PDZRN4: variants seen among roughly 807,000 people sequenced by gnomAD.
PDZRN4 encodes the protein PDZ domain containing ring finger 4.
In PDZRN4, 70 loss-of-function variants were observed where a neutral mutation model predicts 99.0. The observed-to-expected ratio is 0.71, with a 90% CI of 0.58 to 0.86. The LOEUF is 0.86. PDZRN4 is among the 40% of genes least tolerant of loss of function. The pLI is 0.00. For missense variants in PDZRN4, 1,474 were observed against 1,331.2 expected (o/e 1.11, Z -1.67); for synonymous variants, 551 against 501.6 (o/e 1.10, Z -1.32).
chr12:41,524,473 T>C (rs1938539177), intron 5 of PDZRN4, among the ~76,000 whole-genome samples: 1 of 152,186 alleles, frequency 6.6e-6, no homozygotes, highest in Non-Finnish European at 1.5e-5. Context: ...ATTCACATTG[T>C]GGTAGCCTGG....
intron 3 of PDZRN4, among the ~76,000 whole-genome samples, chr12:41,240,303 T>G (rs75279547): frequency 0.11 from 17,332 of 152,200 alleles, 1,274 homozygotes; most frequent in Non-Finnish European, 0.16. Context: ...AACGACATAA[T>G]GAGATTCAAT....
intron 3 of PDZRN4, among the ~76,000 whole-genome samples, chr12:41,312,486 C>A (rs563360940): frequency 6.6e-6 from 1 of 152,004 alleles, no homozygotes; most frequent in South Asian, 2.1e-4. Flanking sequence ...GTTCTCATGC[C>A]GCTAATAAAG....
At chr12:41,193,866 G>A (rs531957431) in intron 2 of PDZRN4, among the ~76,000 whole-genome samples, 1 of 152,212 alleles carries the variant, frequency 6.6e-6, no homozygotes, top group African/African-American at 2.4e-5. Context: ...GAAGTAAATA[G>A]ATAATCTTGT....
chr12:41,310,681 A>G (rs1951600610), intron 3 of PDZRN4, among the ~76,000 whole-genome samples: 2 of 152,208 alleles, frequency 1.3e-5, no homozygotes. Flanking sequence ...GATAAAAGGA[A>G]AGCTTTACAG....
At chr12:41,199,433 G>T (rs192290414) in intron 3 of PDZRN4, among the ~76,000 whole-genome samples, 2 of 152,252 alleles carry the variant, frequency 1.3e-5, no homozygotes, top group East Asian at 3.9e-4. Context: ...TGTAACTCCT[G>T]TGGAAAACAC....
intron 5 of PDZRN4, among the ~76,000 whole-genome samples, chr12:41,551,497 C>T (rs1020680625): frequency 1.3e-5 from 2 of 152,064 alleles, no homozygotes; most frequent in African/African-American, 4.8e-5. Flanking sequence ...GACTACCTAC[C>T]TATGGTTTTA....
intron 3 of PDZRN4, among the ~76,000 whole-genome samples, chr12:41,263,421 G>C (rs1951256252): frequency 6.6e-6 from 1 of 151,446 alleles, no homozygotes; most frequent in Non-Finnish European, 1.5e-5. Flanking sequence ...GCATGGTGTT[G>C]CATGCCTGTA....
At chr12:41,300,627 G>C (rs1010458296) in intron 3 of PDZRN4, among the ~76,000 whole-genome samples, 5 of 151,694 alleles carry the variant, frequency 3.3e-5, no homozygotes, top group Admixed American at 6.6e-5. Flanking sequence ...TTCGGCCTCA[G>C]GATATGTGTA....
chr12:41,408,785 C>CT (rs1952368731), intron 3 of PDZRN4, among the ~76,000 whole-genome samples: 1 of 148,114 alleles, frequency 6.8e-6, no homozygotes, highest in African/African-American at 2.5e-5. Context: ...TCTCTGTCTT[C>CT]TCTCTCTCTC....
At chr12:41,481,354 A>G (rs963149753) in intron 3 of PDZRN4, among the ~76,000 whole-genome samples, 1 of 151,984 alleles carries the variant, frequency 6.6e-6, no homozygotes, top group African/African-American at 2.4e-5. Flanking sequence ...ATATTACCAA[A>G]TTACTCTTTC....
intron 3 of PDZRN4, among the ~76,000 whole-genome samples, chr12:41,375,324 T>C (rs576891762): frequency 6.6e-6 from 1 of 152,200 alleles, no homozygotes; most frequent in African/African-American, 2.4e-5. Flanking sequence ...ATTCAACTTA[T>C]GACAAGGATG....
chr12:41,437,828 G>A (rs1478204286), intron 3 of PDZRN4: 1 of 1,590,364 alleles, frequency 6.3e-7, no homozygotes, highest in Non-Finnish European at 8.5e-7. Flanking sequence ...TGTGTTTCTG[G>A]ACTGAAGTGA....
chr12:41,415,758 T>C (rs1952439769), intron 3 of PDZRN4, among the ~76,000 whole-genome samples: 1 of 151,706 alleles, frequency 6.6e-6, no homozygotes, highest in Admixed American at 6.6e-5. Context: ...TGAGTTACAG[T>C]ATGTCTTTCA....
intron 5 of PDZRN4, among the ~76,000 whole-genome samples, chr12:41,521,945 C>G (rs1000169237): frequency 1.3e-5 from 2 of 151,982 alleles, no homozygotes; most frequent in Non-Finnish European, 2.9e-5. Context: ...CCTAAATAGC[C>G]GTTGGAAGGG....
intron 3 of PDZRN4, among the ~76,000 whole-genome samples, chr12:41,321,323 G>A (rs1392906981): frequency 6.6e-6 from 1 of 152,034 alleles, no homozygotes; most frequent in Non-Finnish European, 1.5e-5. Context: ...AAGATTTAGT[G>A]GTATATTCTC....
chr12:41,359,406 A>T (rs1592027060), intron 3 of PDZRN4, among the ~76,000 whole-genome samples: 1 of 152,012 alleles, frequency 6.6e-6, no homozygotes, highest in East Asian at 1.9e-4. Flanking sequence ...GGCAATCTTC[A>T]TTTGGAGTTA....
chr12:41,492,780 A>T (rs200379605), intron 3 of PDZRN4, among the ~76,000 whole-genome samples: 1 of 152,258 alleles, frequency 6.6e-6, no homozygotes, highest in East Asian at 1.9e-4. Flanking sequence ...TCACTCAGGG[A>T]TAGCTATTTG....
At chr12:41,495,768 A>G (rs548690938) in intron 3 of PDZRN4, among the ~76,000 whole-genome samples, 1 of 152,184 alleles carries the variant, frequency 6.6e-6, no homozygotes, top group South Asian at 2.1e-4. Context: ...CCTCTTCTCC[A>G]AGACTCAGTC....
Position 41,328,119 on chromosome 12 carries a change from AG to A in PDZRN4, c.843+133932del, listed in dbSNP as rs141056093. 6.0e-3 allele frequency among the ~76,000 whole-genome samples: 916 copies of A among 152,268 alleles called. 8 individuals carry two copies. The highest frequency in any genetic ancestry group is 0.021 in the African/African-American group (879 of 41,554). Reference sequence around the variant, plus strand: ...CCAACTATTAACTATGCACTATAAAAGAACAGTGAAAGATAAAGCTGAAAAC... The same window carrying A: ...CCAACTATTAACTATGCACTATAAAAAACAGTGAAAGATAAAGCTGAAAAC... On this transcript the variant is annotated intron_variant, in intron 3 of 9. Coordinates refer to ENST00000402685, the MANE Select transcript of PDZRN4 (RefSeq NM_001164595.2).
Sources: allele counts gnomAD v4.1 joint callset (sites outside exome capture counted in the v4.1 genomes callset), GRCh38; gene constraint gnomAD v4.1.1; transcripts MANE v1.5; gene names NCBI Gene and HGNC (gene_info 2026-07-23, HGNC 2026-07-21).